DPP3: variants seen among roughly 807,000 people sequenced by gnomAD.
The protein encoded by DPP3 is dipeptidyl peptidase 3, also known as DPP III.
In DPP3, 64 loss-of-function variants were observed where a neutral mutation model predicts 89.8. The ratio of observed to expected loss-of-function variants is 0.71; its 90% CI spans 0.58 to 0.88. DPP3 has a LOEUF of 0.88. DPP3 is among the 40% of genes least tolerant of loss of function. The pLI is 0.00. For missense variants in DPP3, 835 were observed against 972.5 expected (o/e 0.86, Z 1.88); for synonymous variants, 377 against 404.3 (o/e 0.93, Z 0.81).
chr11:66,492,991 A>G lies in DPP3; in HGVS notation c.1184-76A>G. 3 of 1,605,486 alleles carry G rather than the reference A, an allele frequency of 1.9e-6. No individual in the cohort carries two copies. In the South Asian group the frequency reaches 3.3e-5, roughly 18 times the overall value. On this transcript the variant is annotated intron_variant, in intron 10 of 17. Coordinates refer to ENST00000531863, the MANE Select transcript of DPP3 (RefSeq NM_130443.4). ...CTCCCTGTCCACACACACACCCTCCACAAACTGCTCTGTGCCTCTTGTCTG... is the reference window on the plus strand; with the variant it reads ...CTCCCTGTCCACACACACACCCTCCGCAAACTGCTCTGTGCCTCTTGTCTG...
At chr11:66,490,758 G>GTTTTTTTTTTTTT (rs984901930) in intron 6 of DPP3, among the ~76,000 whole-genome samples, 1 of 142,046 alleles carries the variant, frequency 7.0e-6, no homozygotes, top group East Asian at 2.2e-4. Flanking sequence ...GTTTTGTTTT[G>GTTTTTTTTTTTTT]TTTTTTTTGT....
At chr11:66,498,748 G>C (rs556425005) in intron 16 of DPP3, among the ~76,000 whole-genome samples, 3 of 152,196 alleles carry the variant, frequency 2.0e-5, no homozygotes, top group Admixed American at 6.5e-5. Flanking sequence ...TTTCCCTGGC[G>C]TGATGGCTCA....
chr11:66,494,840 G>A (rs1855488441), intron 12 of DPP3, among the ~76,000 whole-genome samples: 1 of 152,342 alleles, frequency 6.6e-6, no homozygotes, highest in Non-Finnish European at 1.5e-5. Flanking sequence ...AGGAGCCCGT[G>A]GTGGGCACAG....
At chr11:66,502,850 C>T (rs558057292) in intron 16 of DPP3, among the ~76,000 whole-genome samples, 31 of 152,300 alleles carry the variant, frequency 2.0e-4, no homozygotes, top group African/African-American at 6.0e-4. Context: ...CCGCCCACCT[C>T]GTCCTCCCAA....
intron 6 of DPP3, among the ~76,000 whole-genome samples, chr11:66,491,015 C>T (rs747547157): frequency 2.0e-5 from 3 of 152,146 alleles, no homozygotes; most frequent in Middle Eastern, 3.4e-3. Flanking sequence ...GCGATCTGCC[C>T]GTCTCAGCCT....
intron 16 of DPP3, among the ~76,000 whole-genome samples, chr11:66,498,125 G>C (rs1013992528): frequency 2.8e-5 from 4 of 143,524 alleles, no homozygotes; most frequent in East Asian, 2.1e-4. Flanking sequence ...ACAGGGTCTC[G>C]CTCTGTCGCC....
intron 2 of DPP3, among the ~76,000 whole-genome samples, chr11:66,483,573 T>C (rs1175584517): frequency 1.3e-5 from 2 of 152,158 alleles, no homozygotes; most frequent in Non-Finnish European, 2.9e-5. Flanking sequence ...ATCAATTTAA[T>C]CTTCATTACT....
Position 66,486,686 on chromosome 11 carries a change from C to T in DPP3, c.498+9C>T, listed in dbSNP as rs113216220. ...TCGGACTGGGGAAGGAGGTGAGGCC[C>T]CTGACTCCCCCGAGGGGACAGGGAG... On this transcript the variant is annotated intron_variant, in intron 4 of 17. Transcript: ENST00000531863. The T allele has an allele frequency of 6.7e-7, 1 of 1,497,538 alleles. No homozygotes were observed. The highest frequency in any genetic ancestry group is 8.9e-7 in the Non-Finnish European group (1 of 1,121,144). The allele number at this position is 1,497,538 out of a possible 1,614,324, so 92.8% of individuals were successfully genotyped here. A position where few individuals can be genotyped will look rare whatever the true frequency, so the allele number is the denominator to read the frequency against.
chr11:66,485,564 A>G (rs1036772856), intron 3 of DPP3, among the ~76,000 whole-genome samples: 2 of 152,356 alleles, frequency 1.3e-5, no homozygotes, highest in African/African-American at 2.4e-5. Context: ...GGTCATCACC[A>G]GGAACAGTGG....
At chr11:66,503,434 G>GA (rs2134750606) in intron 16 of DPP3, among the ~76,000 whole-genome samples, 1 of 152,306 alleles carries the variant, frequency 6.6e-6, no homozygotes, top group Non-Finnish European at 1.5e-5. Context: ...TGAGAGAGTA[G>GA]AACTATTCTT....
At chr11:66,506,067 G>C (rs1855792652) in intron 17 of DPP3, among the ~76,000 whole-genome samples, 1 of 152,038 alleles carries the variant, frequency 6.6e-6, no homozygotes, top group African/African-American at 2.4e-5. Flanking sequence ...TCCTGCCCCA[G>C]TCTCCCGAGT....
At chr11:66,487,223 A>C (rs1343405682) in intron 4 of DPP3, 45 bp from the exon 5 acceptor site, 1 of 1,596,526 alleles carries the variant, frequency 6.3e-7, no homozygotes, top group Non-Finnish European at 8.6e-7. Flanking sequence ...TGCAGCCCTG[A>C]CCTTGGCAAC....
intron 6 of DPP3, among the ~76,000 whole-genome samples, chr11:66,490,388 C>A (rs910596611): frequency 3.3e-5 from 5 of 152,180 alleles, no homozygotes; most frequent in Non-Finnish European, 5.9e-5. Context: ...AAAAGCAAGG[C>A]TGGGCCGCAT....
At chr11:66,507,578 C>G (rs189258909) in intron 17 of DPP3, among the ~76,000 whole-genome samples, 6 of 152,170 alleles carry the variant, frequency 3.9e-5, no homozygotes, top group African/African-American at 1.4e-4. Context: ...AAGATCGCAT[C>G]CATCTTCAAG....
chr11:66,493,774 A>G (rs1855459711), intron 12 of DPP3, 141 bp downstream of exon 12: 2 of 851,822 alleles, frequency 2.3e-6, no homozygotes, highest in Admixed American at 5.3e-5. Flanking sequence ...TTAGGCAGAG[A>G]AGACCCTGTC....
At chr11:66,508,558 T>C (rs1172799231) in intron 17 of DPP3, among the ~76,000 whole-genome samples, 2 of 152,180 alleles carry the variant, frequency 1.3e-5, no homozygotes, top group Non-Finnish European at 2.9e-5. Context: ...GGAATCTCAC[T>C]GTCACCCAGG....
In DPP3 at chr11:66,492,721, G is replaced by A. The variant is rs200473591; in HGVS notation, c.994G>A (p.Val332Ile). 2.8e-5 allele frequency: 45 copies of A among 1,586,064 alleles called. No homozygotes were observed. The highest frequency in any genetic ancestry group is 2.0e-4 in the East Asian group (9 of 44,632). The part of the protein sequence containing the change: ...FGSRGEFEGF[V>I]AVVNKAMSAK... ...ACCCCCTCCCTCCTCTGCAGGTTTCGTAGCTGTGGTGAACAAGGCCATGAG... is the reference window on the plus strand; with the variant it reads ...ACCCCCTCCCTCCTCTGCAGGTTTCATAGCTGTGGTGAACAAGGCCATGAG... Residue 332 changes from valine (V) to isoleucine (I), a missense_variant, in exon 10 of 18, where the codon GTA becomes ATA. Physicochemically the swap from Val to Ile is conservative, Grantham distance 29 (BLOSUM62 3). Coordinates refer to ENST00000531863, the MANE Select transcript of DPP3 (RefSeq NM_130443.4).
Position 66,494,422 on chromosome 11 carries a change from G to C in DPP3, c.1390-784G>C, listed in dbSNP as rs1855479515. ...GATGCGCAGAACAGCTGCTGGGTCA[G>C]CAGTCTGGCGAAACGCCTTGTCCAG... On this transcript the variant is annotated intron_variant, in intron 12 of 17. Coordinates refer to ENST00000531863, the MANE Select transcript of DPP3 (RefSeq NM_130443.4). Among the ~76,000 whole-genome samples the C allele has an allele frequency of 2.0e-5, 3 of 152,210 alleles. No individual in the cohort carries two copies. In the South Asian group the frequency reaches 6.2e-4, roughly 31 times the overall value.
At chr11:66,498,096 C>T (rs1265528571) in intron 16 of DPP3, among the ~76,000 whole-genome samples, 1 of 142,770 alleles carries the variant, frequency 7.0e-6, no homozygotes, top group Non-Finnish European at 1.5e-5. Context: ...CCACGCCCGG[C>T]TAATTTTTTT....
Sources: allele counts gnomAD v4.1 joint callset (sites outside exome capture counted in the v4.1 genomes callset), GRCh38; gene constraint gnomAD v4.1.1; transcripts MANE v1.5; gene names NCBI Gene and HGNC (gene_info 2026-07-23, HGNC 2026-07-21).